The following NOL10 variants were observed in gnomAD, a reference collection of about 807,000 sequenced individuals.
NOL10 encodes the protein H_NH0074G24.1.
In NOL10, 58 loss-of-function variants were observed where a neutral mutation model predicts 103.5. The observed-to-expected ratio is 0.56, with a 90% confidence interval of 0.45 to 0.70. NOL10 has a LOEUF of 0.70. NOL10 is among the 30% of genes least tolerant of loss of function. The pLI is 0.00. For missense variants in NOL10, 763 were observed against 807.3 expected (o/e 0.95, Z 0.67); for synonymous variants, 287 against 282.5 (o/e 1.02, Z -0.16).
intron 3 of NOL10, among the ~76,000 whole-genome samples, chr2:10,679,610 TTCTC>T (rs1005202141): frequency 8.0e-5 from 11 of 138,152 alleles, no homozygotes; most frequent in East Asian, 4.1e-4. Context: ...CTTCCTCTCT[TTCTC>T]TCTCTTTCTC....
intron 3 of NOL10, among the ~76,000 whole-genome samples, chr2:10,679,196 C>T (rs551015495): frequency 2.6e-5 from 4 of 151,932 alleles, no homozygotes; most frequent in Non-Finnish European, 5.9e-5. Context: ...CCCATCTCTA[C>T]TAAAAATACA....
chr2:10,602,424 C>A (rs6749287), intron 16 of NOL10, among the ~76,000 whole-genome samples: 1 of 152,138 alleles, frequency 6.6e-6, no homozygotes, highest in African/African-American at 2.4e-5. Context: ...TAAGATACGG[C>A]CAAAGGTCAG....
chr2:10,627,819 C>T (rs950068459), intron 13 of NOL10, among the ~76,000 whole-genome samples: 10 of 151,802 alleles, frequency 6.6e-5, no homozygotes, highest in Admixed American at 2.6e-4. Context: ...CTGGTTGAAT[C>T]GCATCCTAAA....
intron 4 of NOL10, among the ~76,000 whole-genome samples, chr2:10,673,771 T>C (rs1681106039): frequency 6.6e-6 from 1 of 152,134 alleles, no homozygotes; most frequent in South Asian, 2.1e-4. Flanking sequence ...ACACATCAAC[T>C]AGATTTCTTG....
intron 13 of NOL10, among the ~76,000 whole-genome samples, chr2:10,638,479 T>C (rs1449519109): frequency 7.3e-5 from 9 of 123,840 alleles, no homozygotes; most frequent in East Asian, 2.3e-4. Context: ...TATAGCTGAA[T>C]TCCCTTTTTT....
At chr2:10,672,317 A>C (rs1681004962) in intron 5 of NOL10, among the ~76,000 whole-genome samples, 1 of 152,146 alleles carries the variant, frequency 6.6e-6, no homozygotes, top group Non-Finnish European at 1.5e-5. Context: ...ACAAGAGTGA[A>C]ACTCTTGTCT....
chr2:10,624,215 C>A (rs1677314131), intron 13 of NOL10, among the ~76,000 whole-genome samples: 1 of 144,854 alleles, frequency 6.9e-6, no homozygotes, highest in African/African-American at 2.6e-5. Context: ...TTGGGTGTTT[C>A]TTGCAGAAGG....
chr2:10,628,823 C>A (rs1677651756), intron 13 of NOL10, among the ~76,000 whole-genome samples: 1 of 152,210 alleles, frequency 6.6e-6, no homozygotes, highest in Admixed American at 6.5e-5. Flanking sequence ...TTCCTCATCT[C>A]AACTAAGAAC....
At chr2:10,684,910 C>G (rs1013073555) in intron 1 of NOL10, among the ~76,000 whole-genome samples, 2 of 152,144 alleles carry the variant, frequency 1.3e-5, no homozygotes, top group Non-Finnish European at 2.9e-5. Flanking sequence ...CTGTAGCTCA[C>G]CGAAGGCTCA....
chr2:10,643,740 T>C (rs1211041937), intron 13 of NOL10, among the ~76,000 whole-genome samples: 2 of 152,184 alleles, frequency 1.3e-5, no homozygotes, highest in African/African-American at 4.8e-5. Flanking sequence ...AAGTTTAAGA[T>C]TCTGAAATAC....
At chr2:10,660,809 T>A (rs754455076) in intron 9 of NOL10, among the ~76,000 whole-genome samples, 1 of 152,130 alleles carries the variant, frequency 6.6e-6, no homozygotes. Context: ...CAGAAACTTA[T>A]GTCATCTGGA....
At chr2:10,599,835 G>C (rs1213004636) in intron 17 of NOL10, among the ~76,000 whole-genome samples, 6 of 152,046 alleles carry the variant, frequency 3.9e-5, no homozygotes, top group Admixed American at 3.9e-4. Flanking sequence ...ACCCCATGAA[G>C]ACGAGCAATC....
intron 2 of NOL10, among the ~76,000 whole-genome samples, chr2:10,682,396 C>T (rs1487170163): frequency 6.7e-6 from 1 of 150,344 alleles, no homozygotes; most frequent in Non-Finnish European, 1.5e-5. Flanking sequence ...AAACATTAAA[C>T]CACTTTTTTT....
At chr2:10,604,408 G>T (rs1033304499) in intron 14 of NOL10, among the ~76,000 whole-genome samples, 3 of 152,018 alleles carry the variant, frequency 2.0e-5, no homozygotes, top group Non-Finnish European at 4.4e-5. Flanking sequence ...ATATAAAAAA[G>T]AAAATTAAAT....
chr2:10,604,738 T>C (rs1290037298), intron 14 of NOL10: 2 of 152,216 alleles, frequency 1.3e-5, no homozygotes, highest in Non-Finnish European at 2.9e-5. Context: ...GCGCTTTTCA[T>C]AGCGAAACAG....
chr2:10,636,291 C>T (rs1453603609), intron 13 of NOL10, among the ~76,000 whole-genome samples: 5 of 151,774 alleles, frequency 3.3e-5, no homozygotes, highest in Non-Finnish European at 5.9e-5. Context: ...CATCTTTGGC[C>T]GGGCACAGTG....
intron 17 of NOL10, among the ~76,000 whole-genome samples, chr2:10,590,533 G>A (rs140148058): frequency 6.6e-6 from 1 of 152,144 alleles, no homozygotes; most frequent in East Asian, 1.9e-4. Flanking sequence ...GGAAGCTGGT[G>A]ATGTCAGTTT....
At chr2:10,670,981 C>G (rs187746361) in intron 6 of NOL10, among the ~76,000 whole-genome samples, 1 of 152,178 alleles carries the variant, frequency 6.6e-6, no homozygotes, top group African/African-American at 2.4e-5. Flanking sequence ...GCTTTAAATG[C>G]TTTTGTCATT....
At chr2:10,664,747 G>A (rs1253661563) in intron 8 of NOL10, among the ~76,000 whole-genome samples, 1 of 152,120 alleles carries the variant, frequency 6.6e-6, no homozygotes, top group Non-Finnish European at 1.5e-5. Flanking sequence ...TGTTGCCCAG[G>A]CTGGTCTCGA....
Sources: gnomAD v4.1 joint callset for allele counts (sites outside exome capture counted in the v4.1 genomes callset) on GRCh38, gnomAD v4.1.1 for gene constraint, MANE v1.5 for transcripts, NCBI Gene and HGNC (gene_info 2026-07-23, HGNC 2026-07-21) for gene names.